Variants in RFX7 observed in about 807,000 individuals in gnomAD.
RFX7 encodes DNA-binding protein RFX7.
RFX7 carries 26 observed loss-of-function variants against 111.8 expected under a neutral mutation model. That is an observed-to-expected ratio of 0.23 (90% CI 0.17 to 0.32). The LOEUF (loss-of-function observed/expected upper bound fraction) is 0.32, where lower values mean the gene tolerates loss of function less well. Ranked by LOEUF, RFX7 falls within the 10% of genes least tolerant of loss-of-function variation. The pLI is 1.00. For missense variants in RFX7, 1,573 were observed against 1,772.9 expected (o/e 0.89, Z 2.02); for synonymous variants, 624 against 624.4 (o/e 1.00, Z 0.01).
intron 2 of RFX7, among the ~76,000 whole-genome samples, chr15:56,214,583 C>T (rs960227883): frequency 7.9e-5 from 12 of 152,060 alleles, no homozygotes; most frequent in Middle Eastern, 3.4e-3. Flanking sequence ...GGCGCGGTGG[C>T]GGGCGCCTGT....
intron 5 of RFX7, among the ~76,000 whole-genome samples, chr15:56,138,545 C>T (rs545167123): frequency 6.6e-6 from 1 of 150,702 alleles, no homozygotes; most frequent in African/African-American, 2.4e-5. Flanking sequence ...ATACAGCACA[C>T]TGATGGGTCT....
chr15:56,180,291 C>A (rs562786830), intron 2 of RFX7, among the ~76,000 whole-genome samples: 1 of 152,180 alleles, frequency 6.6e-6, no homozygotes, highest in Non-Finnish European at 1.5e-5. Flanking sequence ...TTTCAAATTT[C>A]ATTTTCTAAA....
At chr15:56,231,456 T>C (rs1292971730) in intron 2 of RFX7, among the ~76,000 whole-genome samples, 2 of 152,168 alleles carry the variant, frequency 1.3e-5, no homozygotes, top group East Asian at 1.9e-4. Flanking sequence ...TTTCTCCTTA[T>C]AAAACCATTA....
In RFX7 at chr15:56,128,610, C is replaced by A. The variant is rs541822836; in HGVS notation, c.401+14168G>T. Among the ~76,000 whole-genome samples, 18 of 152,132 alleles carry A rather than the reference C, an allele frequency of 1.2e-4. No homozygotes were observed. In the South Asian group the frequency reaches 3.5e-3, roughly 30 times the overall value. Reference sequence around the variant, plus strand: ...CCACAGATAATATCATACTTAATGGCAAAAGACTGAAAGCTTTCCTCTTTG... The same window carrying A: ...CCACAGATAATATCATACTTAATGGAAAAAGACTGAAAGCTTTCCTCTTTG... On this transcript the variant is annotated intron_variant, in intron 5 of 9. Transcript: ENST00000559447.
chr15:56,232,837 T>C (rs2043580686), intron 2 of RFX7, among the ~76,000 whole-genome samples: 1 of 152,052 alleles, frequency 6.6e-6, no homozygotes, highest in Non-Finnish European at 1.5e-5. Context: ...TCCCAACAGG[T>C]TAATCTCCAT....
At position 56,189,923 on chromosome 15, in the gene RFX7, A is replaced by T. The variant is rs933512076; in HGVS notation, c.162-10620T>A. 5 of 152,274 alleles carry T rather than the reference A, an allele frequency of 3.3e-5. No individual in the cohort carries two copies. In the East Asian group the frequency reaches 9.6e-4, roughly 29 times the overall value. The allele number at this position is 152,274 out of a possible 1,614,324, so 9.4% of individuals were successfully genotyped here. A position where few individuals can be genotyped will look rare whatever the true frequency, so the allele number is the denominator to read the frequency against. On this transcript the variant is annotated intron_variant, in intron 2 of 9. Coordinates refer to ENST00000559447, the MANE Select transcript of RFX7 (RefSeq NM_022841.7). ...ATGTTCATAGCATCTTTATAATTCC[A>T]AACTGGAATCAATCCAAATGATGTC...
chr15:56,171,566 A>AC lies in RFX7; in HGVS notation c.195+7703_195+7704insG, dbSNP rs200318883. On this transcript the variant is annotated intron_variant, in intron 3 of 9. Transcript: ENST00000559447. ...TATTCTTCCCTAGGGTCTCCAGAAA[A>AC]AAAACAAAACAAAACAAAACAAAAA... Among the ~76,000 whole-genome samples, 608 of 151,992 alleles carry AC rather than the reference A, an allele frequency of 4.0e-3. 7 individuals are homozygous for AC. Among genetic ancestry groups the AC allele is most frequent in the African/African-American group, 0.012 (517 of 41,470 alleles).
chr15:56,182,051 A>T (rs2042980195), intron 2 of RFX7, among the ~76,000 whole-genome samples: 1 of 152,128 alleles, frequency 6.6e-6, no homozygotes, highest in East Asian at 1.9e-4. Context: ...CATTGCTCCC[A>T]GAAGAGACCA....
At chr15:56,223,507 T>C (rs1176574239) in intron 2 of RFX7, among the ~76,000 whole-genome samples, 1 of 152,204 alleles carries the variant, frequency 6.6e-6, no homozygotes, top group Non-Finnish European at 1.5e-5. Context: ...GCTTCATGTC[T>C]TTTATCCACT....
At position 56,197,540 on chromosome 15, in the gene RFX7, A is replaced by C. The variant is rs137965292; in HGVS notation, c.162-18237T>G. The stretch of plus-strand genomic sequence containing the variant: ...AGTTTTTTTTTCATATAGATAATGA[A>C]ATGTCCCAGTGGGCCATCCCTTCCC... On this transcript the variant is annotated intron_variant, in intron 2 of 9. Coordinates refer to ENST00000559447, the MANE Select transcript of RFX7 (RefSeq NM_022841.7). Among the ~76,000 whole-genome samples the C allele has an allele frequency of 3.6e-4, 55 of 152,194 alleles. 2 individuals are homozygous for C. Among genetic ancestry groups the C allele is most frequent in the African/African-American group, 1.3e-3 (54 of 41,498 alleles).
chr15:56,150,140 C>A (rs1441502094), intron 3 of RFX7, among the ~76,000 whole-genome samples: 1 of 152,196 alleles, frequency 6.6e-6, no homozygotes, highest in African/African-American at 2.4e-5. Context: ...GAGCCCACTG[C>A]AGCTCAGCAA....
rs559090212 is a variant in RFX7 at position 56,229,865 on chromosome 15, T to C, written c.161+13260A>G. Among the ~76,000 whole-genome samples, 20 of 150,338 alleles carry C rather than the reference T, an allele frequency of 1.3e-4. No individual in the cohort carries two copies. In the South Asian group the frequency reaches 4.2e-3, roughly 32 times the overall value. The stretch of plus-strand genomic sequence containing the variant: ...CAAAAAGGAAGGAAGGAAAGAAAGC[T>C]CTACATCAGTAGCCAGGGTAGCCAC... On this transcript the variant is annotated intron_variant, in intron 2 of 9. Coordinates refer to ENST00000559447, the MANE Select transcript of RFX7 (RefSeq NM_022841.7).
chr15:56,167,172 G>C (rs1331941310), intron 3 of RFX7, among the ~76,000 whole-genome samples: 6 of 151,994 alleles, frequency 3.9e-5, no homozygotes, highest in Non-Finnish European at 8.8e-5. Flanking sequence ...GCCGGGTTTG[G>C]TGGTGTGCAC....
chr15:56,098,169 C>G lies in RFX7; in HGVS notation c.1019G>C (p.Gly340Ala), dbSNP rs376683899. 3 of 1,613,760 alleles carry G rather than the reference C, an allele frequency of 1.9e-6. No individual in the cohort carries two copies. In the African/African-American group the frequency reaches 4.0e-5, roughly 22 times the overall value. ...ATTTCCATTAGGAAGATTAGTCACT[C>G]CATTGCTTGTAGCACTTTCTGACTT... ...AKKSESATSN[G>A]VTNLPNGNPS... is the part of the protein sequence containing the mutation. Residue 340 changes from glycine (G) to alanine (A), a missense_variant, in exon 9 of 10, where the codon GGA becomes GCA. Gly to Ala is a moderately conservative substitution (Grantham distance 60). Coordinates refer to ENST00000559447, the MANE Select transcript of RFX7 (RefSeq NM_022841.7).
At chr15:56,123,973 T>C (rs925901763) in intron 5 of RFX7, among the ~76,000 whole-genome samples, 1 of 152,198 alleles carries the variant, frequency 6.6e-6, no homozygotes, top group Non-Finnish European at 1.5e-5. Flanking sequence ...CTTCAGTGTC[T>C]CTTTCAACTT....
At chr15:56,162,647 A>C (rs1263156608) in intron 3 of RFX7, among the ~76,000 whole-genome samples, 2 of 151,896 alleles carry the variant, frequency 1.3e-5, no homozygotes, top group African/African-American at 2.4e-5. Flanking sequence ...GGAGAGAAAA[A>C]AAAAACATTA....
chr15:56,181,038 C>T (rs1331275962), intron 2 of RFX7, among the ~76,000 whole-genome samples: 2 of 152,230 alleles, frequency 1.3e-5, no homozygotes, highest in African/African-American at 2.4e-5. Flanking sequence ...CTGTGGGCTA[C>T]TCCCAACAAA....
intron 5 of RFX7, among the ~76,000 whole-genome samples, chr15:56,124,987 G>T (rs1269169309): frequency 6.6e-6 from 1 of 152,062 alleles, no homozygotes; most frequent in Non-Finnish European, 1.5e-5. Context: ...TGTAGTTTTG[G>T]TCTTACATTT....
upstream of RFX7, among the ~76,000 whole-genome samples, chr15:56,244,927 C>G (rs112643568): frequency 6.6e-6 from 1 of 152,048 alleles, no homozygotes; most frequent in African/African-American, 2.4e-5. Context: ...AGGGAGGCTG[C>G]GTGGATGTAG....
Sources: allele counts gnomAD v4.1 joint callset (sites outside exome capture counted in the v4.1 genomes callset), GRCh38; gene constraint gnomAD v4.1.1; transcripts MANE v1.5; gene names NCBI Gene and HGNC (gene_info 2026-07-23, HGNC 2026-07-21).